Variants in CDKL4 observed in about 807,000 individuals in gnomAD.
CDKL4 encodes cyclin-dependent kinase-like 4.
CDKL4 carries 44 observed loss-of-function variants against 42.0 expected under a neutral mutation model. That is an observed-to-expected ratio of 1.05 (90% confidence interval 0.82 to 1.35). The LOEUF is 1.35. Ranked by LOEUF, CDKL4 falls within the 40% of genes most tolerant of loss-of-function variation. CDKL4 has a pLI of 0.00. For synonymous variants in CDKL4, 120 were observed against 121.6 expected (o/e 0.99, Z 0.09); for missense variants, 393 against 369.9 (o/e 1.06, Z -0.51).
upstream of CDKL4, among the ~76,000 whole-genome samples, chr2:39,246,796 T>G (rs1450993735): frequency 6.6e-6 from 1 of 152,150 alleles, no homozygotes; most frequent in Non-Finnish European, 1.5e-5. Flanking sequence ...TAGGCTAAAG[T>G]GCAGTGTCAC....
intron 7 of CDKL4, among the ~76,000 whole-genome samples, chr2:39,185,898 C>T (rs909017870): frequency 3.9e-5 from 6 of 152,160 alleles, no homozygotes; most frequent in African/African-American, 1.4e-4. Context: ...GTCCCAAATG[C>T]TCCCATCTGA....
chr2:39,210,016 C>T (rs932028008), intron 4 of CDKL4, among the ~76,000 whole-genome samples: 4 of 152,162 alleles, frequency 2.6e-5, no homozygotes, highest in African/African-American at 9.7e-5. Context: ...GAGACAGACT[C>T]TTGCTCTGTC....
chr2:39,221,457 C>T (rs1678369082), intron 3 of CDKL4, among the ~76,000 whole-genome samples: 9 of 151,750 alleles, frequency 5.9e-5, no homozygotes, highest in Admixed American at 5.9e-4. Context: ...TTTAAAAATA[C>T]TCTCTGGCCT....
the CDKL4 span, among the ~76,000 whole-genome samples, chr2:39,168,452 C>T: frequency 1.3e-5 from 2 of 152,120 alleles, no homozygotes; most frequent in Non-Finnish European, 1.5e-5. Context: ...TTGACTGAGC[C>T]AGGCCAGGCG....
intron 4 of CDKL4, among the ~76,000 whole-genome samples, chr2:39,209,873 T>A (rs76016532): frequency 0.013 from 2,016 of 152,314 alleles, 29 homozygotes; most frequent in African/African-American, 0.046. Context: ...ATATATGGCT[T>A]AGATTTTTTT....
intron 3 of CDKL4, among the ~76,000 whole-genome samples, chr2:39,222,468 T>C (rs901677690): frequency 4.6e-5 from 7 of 152,046 alleles, no homozygotes; most frequent in African/African-American, 1.4e-4. Context: ...CGGGTCCCTG[T>C]AGTCCCAGGT....
intron 5 of CDKL4, among the ~76,000 whole-genome samples, chr2:39,195,954 C>A (rs1422653186): frequency 6.6e-6 from 1 of 152,166 alleles, no homozygotes; most frequent in African/African-American, 2.4e-5. Flanking sequence ...CCAAGAACTA[C>A]CACAGGAACA....
At chr2:39,177,415 T>C (rs1480055662) in intron 9 of CDKL4, among the ~76,000 whole-genome samples, 1 of 151,246 alleles carries the variant, frequency 6.6e-6, no homozygotes, top group Non-Finnish European at 1.5e-5. Context: ...TTTTTTTTTT[T>C]TTTTTTGAGA....
At chr2:39,205,419 G>C (rs1214202326) in intron 4 of CDKL4, among the ~76,000 whole-genome samples, 2 of 151,868 alleles carry the variant, frequency 1.3e-5, no homozygotes, top group Non-Finnish European at 2.9e-5. Context: ...CTTATAATTA[G>C]AATGACCATA....
chr2:39,228,772 T>G (rs148348566), intron 2 of CDKL4, among the ~76,000 whole-genome samples: 1 of 152,338 alleles, frequency 6.6e-6, no homozygotes, highest in African/African-American at 2.4e-5. Flanking sequence ...TACGGTCGCT[T>G]ATAGATCTAA....
chr2:39,196,709 G>A (rs1676535585), intron 5 of CDKL4, among the ~76,000 whole-genome samples: 1 of 152,186 alleles, frequency 6.6e-6, no homozygotes, highest in Non-Finnish European at 1.5e-5. Context: ...CTGGGTACAA[G>A]TGATTCTCCT....
chr2:39,209,172 G>T (rs1677419184), intron 4 of CDKL4, among the ~76,000 whole-genome samples: 1 of 151,520 alleles, frequency 6.6e-6, no homozygotes, highest in Non-Finnish European at 1.5e-5. Flanking sequence ...AATTAGCCAT[G>T]CATGATAGCA....
At chr2:39,233,493 G>A (rs1679187427) in intron 1 of CDKL4, among the ~76,000 whole-genome samples, 1 of 152,092 alleles carries the variant, frequency 6.6e-6, no homozygotes, top group Non-Finnish European at 1.5e-5. Context: ...CTGAATTGAA[G>A]GGCATGCGAA....
chr2:39,224,768 G>A (rs188701049), intron 3 of CDKL4, among the ~76,000 whole-genome samples: 129 of 151,952 alleles, frequency 8.5e-4, no homozygotes, highest in Non-Finnish European at 1.7e-3. Context: ...CCTCCCAAAG[G>A]CATGAGACAC....
chr2:39,188,461 C>T (rs1392591113), intron 6 of CDKL4, among the ~76,000 whole-genome samples: 1 of 141,590 alleles, frequency 7.1e-6, no homozygotes, highest in East Asian at 2.3e-4. Context: ...ACTTAGGAGG[C>T]TGAGGCAGGA....
intron 1 of CDKL4, among the ~76,000 whole-genome samples, chr2:39,241,068 G>C (rs1455816324): frequency 1.3e-5 from 2 of 152,168 alleles, no homozygotes; most frequent in Non-Finnish European, 2.9e-5. Context: ...GACCATAAAG[G>C]ATACTTCTAA....
chr2:39,213,550 G>C, intron 3 of CDKL4, 78 bp from the exon 4 acceptor site: 1 of 920,334 alleles, frequency 1.1e-6, no homozygotes, highest in Non-Finnish European at 1.8e-6. Flanking sequence ...TAGAAGTGGA[G>C]TGGTGAGGGA....
chr2:39,246,819 T>C (rs1385847146), upstream of CDKL4, among the ~76,000 whole-genome samples: 2 of 152,180 alleles, frequency 1.3e-5, no homozygotes, highest in Non-Finnish European at 2.9e-5. Flanking sequence ...TCATAGCTCA[T>C]TGCAGCCTCA....
chr2:39,179,627 G>A (rs552845847), intron 8 of CDKL4, among the ~76,000 whole-genome samples: 1 of 152,372 alleles, frequency 6.6e-6, no homozygotes, highest in Non-Finnish European at 1.5e-5. Flanking sequence ...GCAGTCTGCA[G>A]AGTATAGTCC....
Sources: allele counts gnomAD v4.1 joint callset (sites outside exome capture counted in the v4.1 genomes callset), GRCh38; gene constraint gnomAD v4.1.1; transcripts MANE v1.5; gene names NCBI Gene and HGNC (gene_info 2026-07-23, HGNC 2026-07-21).